PLEKHH2: variants seen among roughly 807,000 people sequenced by gnomAD.
PLEKHH2 encodes pleckstrin homology, MyTH4 and FERM domain containing H2.
A neutral mutation model predicts 187.9 loss-of-function variants in PLEKHH2; 129 were observed. That is an observed-to-expected ratio of 0.69 (90% CI 0.59 to 0.79). The LOEUF (loss-of-function observed/expected upper bound fraction) is 0.79. Among genes scored for constraint, PLEKHH2 ranks in the 30% least tolerant of loss-of-function variants. The probability of loss-of-function intolerance (pLI) is 0.00; values close to 1 mark genes in which losing one functional copy is unlikely to be tolerated. For synonymous variants in PLEKHH2, 686 were observed against 605.6 expected, an observed-to-expected ratio of 1.13 and a Z score of -1.95; for missense variants, 2,076 against 1,751.2, an observed-to-expected ratio of 1.19 and a Z score of -3.31.
chr2:43,641,878 A>C (rs1279140438), intron 1 of PLEKHH2, among the ~76,000 whole-genome samples: 1 of 152,236 alleles, frequency 6.6e-6, no homozygotes, highest in Non-Finnish European at 1.5e-5. Flanking sequence ...TGTGTAATCA[A>C]GCTACTGTAT....
At position 43,738,390 on chromosome 2, in the gene PLEKHH2, A is replaced by T; in HGVS notation, c.2993A>T (p.Tyr998Phe). 1 of 1,613,354 alleles carries T rather than the reference A, an allele frequency of 6.2e-7. No individual in the cohort carries two copies. Among genetic ancestry groups the T allele is most frequent in the Non-Finnish European group, 8.5e-7 (1 of 1,179,514 alleles). The change falls in exon 20 of 30, where the codon TAC becomes TTC. Residue 998 changes from tyrosine to phenylalanine, a missense_variant. Physicochemically the swap from Tyr to Phe is conservative, Grantham distance 22 (BLOSUM62 3). Coordinates refer to ENST00000282406, the MANE Select transcript of PLEKHH2 (RefSeq NM_172069.4). ...NAAVDSPAID[Y>F]HISLAQSALQ... Reference sequence around the variant, plus strand: ...GCAGTTGACTCTCCTGCAATTGATTACCACATATCTTTAGCCCAGAGTGCT... The same window carrying T: ...GCAGTTGACTCTCCTGCAATTGATTTCCACATATCTTTAGCCCAGAGTGCT...
intron 2 of PLEKHH2, among the ~76,000 whole-genome samples, chr2:43,647,991 G>A (rs533694966): frequency 1.8e-4 from 28 of 152,252 alleles, no homozygotes; most frequent in African/African-American, 6.7e-4. Flanking sequence ...TGAGGTGATT[G>A]TTATTATCCT....
At chr2:43,717,648 G>T (rs1670278677) in intron 15 of PLEKHH2, among the ~76,000 whole-genome samples, 1 of 152,210 alleles carries the variant, frequency 6.6e-6, no homozygotes, top group Admixed American at 6.5e-5. Context: ...GAGCAAGGTT[G>T]TGGAGACAGT....
Position 43,700,173 on chromosome 2 carries a change from C to G in PLEKHH2, c.1215C>G (p.Asn405Lys). ...LDYSSSSSEA[N>K]TPSPILTPAL... is the part of the protein sequence containing the mutation. ...ATTCATCTTCATCGAGTGAAGCCAA[C>G]ACCCCAAGCCCTATTTTGACCCCAG... is the stretch of plus-strand genomic sequence containing the variant. The change falls in exon 8 of 30, where the codon AAC (asparagine) becomes AAG (lysine). Residue 405 changes from asparagine to lysine, a missense_variant. Coordinates refer to ENST00000282406, the MANE Select transcript of PLEKHH2 (RefSeq NM_172069.4). 2.5e-6 allele frequency: 4 copies of G among 1,614,112 alleles called. No homozygotes were observed. Among genetic ancestry groups the G allele is most frequent in the Non-Finnish European group, 3.4e-6 (4 of 1,180,002 alleles).
At chr2:43,670,325 T>C (rs924382024) in intron 2 of PLEKHH2, among the ~76,000 whole-genome samples, 1 of 152,300 alleles carries the variant, frequency 6.6e-6, no homozygotes. Flanking sequence ...CAAGCAGCTA[T>C]TAGCAATTAA....
At chr2:43,723,003 C>G (rs1219668676) in intron 16 of PLEKHH2, among the ~76,000 whole-genome samples, 2 of 151,956 alleles carry the variant, frequency 1.3e-5, no homozygotes, top group Non-Finnish European at 2.9e-5. Flanking sequence ...TTTATTAAAT[C>G]AAAATATTTG....
At chr2:43,719,774 A>G (rs1670392074) in intron 15 of PLEKHH2, among the ~76,000 whole-genome samples, 1 of 152,242 alleles carries the variant, frequency 6.6e-6, no homozygotes, top group Non-Finnish European at 1.5e-5. Context: ...GTGTTAACCT[A>G]GAGAGCCACA....
intron 24 of PLEKHH2, among the ~76,000 whole-genome samples, chr2:43,747,109 CCTCTCTCT>C (rs10696940): frequency 1.6e-5 from 2 of 126,266 alleles, no homozygotes; most frequent in South Asian, 2.9e-4. Flanking sequence ...TCTCTCTCTC[CCTCTCTCT>C]CTCTCTCTCT....
intron 27 of PLEKHH2, among the ~76,000 whole-genome samples, chr2:43,760,516 C>G (rs935164408): frequency 1.3e-5 from 2 of 152,084 alleles, no homozygotes; most frequent in Non-Finnish European, 2.9e-5. Context: ...GCGCACACCA[C>G]CACGCTCAGC....
chr2:43,673,906 C>T (rs1238153697), intron 2 of PLEKHH2, among the ~76,000 whole-genome samples: 1 of 152,090 alleles, frequency 6.6e-6, no homozygotes, highest in Non-Finnish European at 1.5e-5. Context: ...AACTTTTGAG[C>T]CTGATTGCGC....
chr2:43,728,324 C>G (rs2104564557), intron 17 of PLEKHH2, among the ~76,000 whole-genome samples: 1 of 151,392 alleles, frequency 6.6e-6, no homozygotes, highest in African/African-American at 2.4e-5. Flanking sequence ...ACTAAAAATA[C>G]AAAAAGTAGC....
intron 11 of PLEKHH2, among the ~76,000 whole-genome samples, chr2:43,708,445 G>A (rs1346204788): frequency 6.6e-6 from 1 of 152,140 alleles, no homozygotes; most frequent in Non-Finnish European, 1.5e-5. Context: ...TCTTCCCCTA[G>A]ATGTCCGTAT....
At chr2:43,722,553 C>A (rs1221318453) in intron 16 of PLEKHH2, among the ~76,000 whole-genome samples, 1 of 152,148 alleles carries the variant, frequency 6.6e-6, no homozygotes, top group East Asian at 1.9e-4. Context: ...CAAGTAGATT[C>A]TCTCACAGGA....
At chr2:43,762,493 C>A (rs1572675641) in intron 28 of PLEKHH2, 103 bp downstream of exon 28, 1 of 859,774 alleles carries the variant, frequency 1.2e-6, no homozygotes, top group East Asian at 2.5e-5. Flanking sequence ...TTCTCTTACC[C>A]AGGAAACATT....
chr2:43,679,494 CTTTTT>C (rs70965314), intron 3 of PLEKHH2: 1,436 of 253,002 alleles, frequency 5.7e-3, no homozygotes, highest in South Asian at 8.4e-3. Flanking sequence ...GATTTTTTCC[CTTTTT>C]TTTTTTTTTT....
chr2:43,675,335 A>T (rs1275306257), intron 2 of PLEKHH2: 22 of 1,402,778 alleles, frequency 1.6e-5, no homozygotes, highest in Non-Finnish European at 2.1e-5. Context: ...GCCACATTTC[A>T]AGTGCTCTTG....
rs768134214 is a variant in PLEKHH2, at chr2:43,707,433, G to C, written c.1854G>C (p.Leu618=). Residue 618 remains leucine (L), a synonymous_variant, in exon 11 of 30, where the codon CTG becomes CTC. Coordinates refer to ENST00000282406, the MANE Select transcript of PLEKHH2 (RefSeq NM_172069.4). The part of the protein sequence containing the change: ...KATQISSSPF[L]DDSSGSEEED... ...CCCAAATAAGTAGCAGCCCTTTCCTGGATGACTCATCTGGGTCAGAGGAAG... is the reference window on the plus strand; with the variant it reads ...CCCAAATAAGTAGCAGCCCTTTCCTCGATGACTCATCTGGGTCAGAGGAAG... 1.9e-6 allele frequency: 3 copies of C among 1,614,040 alleles called. No individual in the cohort carries two copies. Among genetic ancestry groups the C allele is most frequent in the Non-Finnish European group, 8.5e-7 (1 of 1,179,988 alleles).
At chr2:43,659,321 T>C (rs13423605) in intron 2 of PLEKHH2, among the ~76,000 whole-genome samples, 7,780 of 151,968 alleles carry the variant, frequency 0.051, 326 homozygotes, top group African/African-American at 0.12. Flanking sequence ...GTTTATTTTC[T>C]CGCCTGGTCG....
intron 2 of PLEKHH2, among the ~76,000 whole-genome samples, chr2:43,647,018 A>G (rs941742823): frequency 1.3e-5 from 2 of 152,056 alleles, no homozygotes; most frequent in African/African-American, 4.8e-5. Context: ...TTCCATTATG[A>G]ATATTTTTCT....
Sources: gnomAD v4.1 joint callset for allele counts (sites outside exome capture counted in the v4.1 genomes callset) on GRCh38, gnomAD v4.1.1 for gene constraint, MANE v1.5 for transcripts, NCBI Gene and HGNC (gene_info 2026-07-23, HGNC 2026-07-21) for gene names.